KCNH7: variants seen among roughly 807,000 people sequenced by gnomAD.
The protein encoded by KCNH7 is potassium voltage-gated channel subfamily H member 7.
Under a neutral mutation model 120.8 loss-of-function variants are expected in KCNH7, and 49 were observed. The observed-to-expected ratio is 0.41, with a 90% CI of 0.32 to 0.51. KCNH7 has a LOEUF of 0.51. Among genes scored for constraint, KCNH7 ranks in the 20% least tolerant of loss-of-function variants. KCNH7 has a pLI of 0.38. For missense variants in KCNH7, 1,097 were observed against 1,446.6 expected, an observed-to-expected ratio of 0.76 and a Z score of 3.92; for synonymous variants, 547 against 516.1, an observed-to-expected ratio of 1.06 and a Z score of -0.81.
intron 8 of KCNH7, among the ~76,000 whole-genome samples, chr2:162,430,197 C>A (rs1025114639): frequency 6.6e-6 from 1 of 151,754 alleles, no homozygotes; most frequent in African/African-American, 2.4e-5. Flanking sequence ...TACCAAATAC[C>A]CTGGATGTTA....
chr2:162,750,066 C>G (rs1220942792), intron 2 of KCNH7, among the ~76,000 whole-genome samples: 1 of 152,110 alleles, frequency 6.6e-6, no homozygotes, highest in Non-Finnish European at 1.5e-5. Flanking sequence ...GGAATGACAA[C>G]TCTGGATTCA....
rs141865867 is a variant in KCNH7, at chr2:162,654,111, C to T, written c.308-117031G>A. On this transcript the variant is annotated intron_variant, in intron 2 of 15. Transcript: ENST00000332142. ...CAATGATTTTTTTTTTTTGAAATGA[C>T]CCTAAAAACACAAACAAAAGCAAAA... 4.5e-3 allele frequency among the ~76,000 whole-genome samples: 662 copies of T among 146,350 alleles called. 3 individuals are homozygous for T. The highest frequency in any genetic ancestry group is 0.01 in the Admixed American group (151 of 14,798).
chr2:162,628,699 T>C (rs1414101974), intron 2 of KCNH7, among the ~76,000 whole-genome samples: 1 of 152,000 alleles, frequency 6.6e-6, no homozygotes, highest in African/African-American at 2.4e-5. Flanking sequence ...CAGTATTTGT[T>C]TTTTTTGTTG....
intron 2 of KCNH7, among the ~76,000 whole-genome samples, chr2:162,689,640 C>T (rs1055508332): frequency 6.6e-6 from 1 of 151,994 alleles, no homozygotes; most frequent in African/African-American, 2.4e-5. Flanking sequence ...TAATATAAAA[C>T]ATTTTATTTA....
intron 2 of KCNH7, among the ~76,000 whole-genome samples, chr2:162,713,427 T>G (rs1404167229): frequency 6.6e-6 from 1 of 152,146 alleles, no homozygotes; most frequent in Non-Finnish European, 1.5e-5. Flanking sequence ...ACCTAGAAAT[T>G]TATTTTAGCA....
At chr2:162,738,510 A>G (rs1688001130) in intron 2 of KCNH7, among the ~76,000 whole-genome samples, 1 of 152,202 alleles carries the variant, frequency 6.6e-6, no homozygotes, top group Non-Finnish European at 1.5e-5. Flanking sequence ...TTTCAGACTC[A>G]GTCAGGAGGT....
At chr2:162,623,132 T>A (rs1377099810) in intron 2 of KCNH7, among the ~76,000 whole-genome samples, 2 of 152,190 alleles carry the variant, frequency 1.3e-5, no homozygotes, top group Non-Finnish European at 2.9e-5. Flanking sequence ...ATTCTGTTTT[T>A]CAAAAGCAGT....
chr2:162,544,176 G>T (rs1692401858), intron 2 of KCNH7, among the ~76,000 whole-genome samples: 1 of 152,096 alleles, frequency 6.6e-6, no homozygotes, highest in Non-Finnish European at 1.5e-5. Context: ...CCTGTGGATT[G>T]TCCCACTGCC....
At chr2:162,381,770 T>C (rs1044786341) in intron 13 of KCNH7, among the ~76,000 whole-genome samples, 2 of 152,084 alleles carry the variant, frequency 1.3e-5, no homozygotes, top group African/African-American at 4.8e-5. Flanking sequence ...AAAATATAAG[T>C]GAACCTAAAA....
chr2:162,400,298 T>C lies in KCNH7; in HGVS notation c.2298A>G (p.Ala766=). The change falls in exon 10 of 16, where the codon GCA becomes GCG. Residue 766 remains alanine (A), a synonymous_variant. Transcript: ENST00000332142. ...AGTGAACGAGGGTGTCTCCTGGAGG[T>C]GCATGGGTGGTTTTGAACTTCATTG... is the stretch of plus-strand genomic sequence containing the variant. ...ALAMKFKTTH[A]PPGDTLVHCG... 11 of 1,612,416 alleles carry C rather than the reference T, an allele frequency of 6.8e-6. No individual in the cohort carries two copies. The highest frequency in any genetic ancestry group is 9.3e-6 in the Non-Finnish European group (11 of 1,179,006).
chr2:162,830,676 T>G (rs1685448446), intron 2 of KCNH7, among the ~76,000 whole-genome samples: 1 of 152,042 alleles, frequency 6.6e-6, no homozygotes, highest in Non-Finnish European at 1.5e-5. Flanking sequence ...AAGTGTAGAC[T>G]TTTGGGATGT....
chr2:162,583,018 C>G (rs914570579), intron 2 of KCNH7, among the ~76,000 whole-genome samples: 10 of 152,002 alleles, frequency 6.6e-5, no homozygotes, highest in African/African-American at 2.2e-4. Context: ...CATTTTAAAT[C>G]TACTTTTAGC....
chr2:162,794,349 C>T (rs114977822), intron 2 of KCNH7, among the ~76,000 whole-genome samples: 2,416 of 152,042 alleles, frequency 0.016, 58 homozygotes, highest in African/African-American at 0.05. Context: ...TACCTGATAA[C>T]TGAGCATGCA....
chr2:162,836,817 C>A, intron 1 of KCNH7, 50 bp from the exon 2 acceptor site: 1 of 1,311,176 alleles, frequency 7.6e-7, no homozygotes, highest in Non-Finnish European at 1.1e-6. Context: ...CCACAATATT[C>A]TCCGTAACAC....
At chr2:162,482,394 A>C (rs1689958571) in intron 6 of KCNH7, among the ~76,000 whole-genome samples, 1 of 152,066 alleles carries the variant, frequency 6.6e-6, no homozygotes, top group Non-Finnish European at 1.5e-5. Context: ...GTGAAAGAGC[A>C]CTTTGGGGTG....
intron 2 of KCNH7, among the ~76,000 whole-genome samples, chr2:162,647,906 G>T (rs1684424549): frequency 6.6e-6 from 1 of 152,072 alleles, no homozygotes; most frequent in Non-Finnish European, 1.5e-5. Flanking sequence ...GTTTGCCTGT[G>T]GTGGGTACTA....
Position 162,373,599 on chromosome 2 carries a change from AGTG to A in KCNH7, c.3192_3194del (p.Thr1065del). The A allele has an allele frequency of 6.4e-7, 1 of 1,574,152 alleles. No individual in the cohort carries two copies. The highest frequency in any genetic ancestry group is 2.4e-5 in the East Asian group (1 of 41,462). On this transcript the variant is annotated inframe_deletion, in exon 15 of 16. Transcript: ENST00000332142. ...CCATACTGTAGGCTGGGGGGACCACAGTGGTTTGTTTCTGCAGCAACTGTAAGA... is the reference window on the plus strand; with the variant it reads ...CCATACTGTAGGCTGGGGGGACCACAGTTTGTTTCTGCAGCAACTGTAAGA...
intron 8 of KCNH7, among the ~76,000 whole-genome samples, chr2:162,426,514 A>C (rs1388021722): frequency 6.6e-6 from 1 of 151,976 alleles, no homozygotes; most frequent in Non-Finnish European, 1.5e-5. Context: ...TTTTTCATCC[A>C]AATGGTTTGC....
At chr2:162,375,644 T>C (rs1206821425) in intron 14 of KCNH7, among the ~76,000 whole-genome samples, 1 of 152,128 alleles carries the variant, frequency 6.6e-6, no homozygotes, top group East Asian at 1.9e-4. Flanking sequence ...AATGGACTCT[T>C]GGGCCAGTCA....
Sources: allele counts gnomAD v4.1 joint callset (sites outside exome capture counted in the v4.1 genomes callset), GRCh38; gene constraint gnomAD v4.1.1; transcripts MANE v1.5; gene names NCBI Gene and HGNC (gene_info 2026-07-23, HGNC 2026-07-21).